Variants in ADK observed in about 807,000 individuals in gnomAD.
ADK encodes the protein N6,N6-dimethyladenosine kinase.
In ADK, 24 loss-of-function variants were observed where a neutral mutation model predicts 44.7. The observed-to-expected ratio is 0.54, with a 90% confidence interval of 0.39 to 0.76. ADK has a LOEUF of 0.76. Among genes scored for constraint, ADK ranks in the 30% least tolerant of loss-of-function variants. The probability of loss-of-function intolerance (pLI) is 0.00; values close to 1 mark genes in which losing one functional copy is unlikely to be tolerated. For synonymous variants in ADK, 128 were observed against 142.6 expected (o/e 0.90, Z 0.73); for missense variants, 321 against 425.1 (o/e 0.76, Z 2.15).
intron 7 of ADK, among the ~76,000 whole-genome samples, chr10:74,535,362 CTAAGGTGGGAGGA>C (rs1398112442): frequency 6.6e-6 from 1 of 151,976 alleles, no homozygotes. Context: ...ATTCGGGAGG[CTAAGGTGGGAGGA>C]TCGCTTGCAC....
chr10:74,159,358 T>G (rs997262654), intron 1 of ADK, among the ~76,000 whole-genome samples: 1 of 152,230 alleles, frequency 6.6e-6, no homozygotes, highest in East Asian at 1.9e-4. Flanking sequence ...CAAGCCACAT[T>G]TGGTTAGTAG....
At chr10:74,247,850 A>C (rs1441383320) in intron 3 of ADK, among the ~76,000 whole-genome samples, 1 of 152,150 alleles carries the variant, frequency 6.6e-6, no homozygotes, top group Admixed American at 6.5e-5. Context: ...TTCTTCAACA[A>C]CAAAACATTG....
intron 6 of ADK, among the ~76,000 whole-genome samples, chr10:74,461,110 G>C (rs2133241554): frequency 6.6e-6 from 1 of 152,100 alleles, no homozygotes; most frequent in South Asian, 2.1e-4. Flanking sequence ...AGTCCTTAGA[G>C]TAAACCAACT....
intron 6 of ADK, among the ~76,000 whole-genome samples, chr10:74,499,084 C>T (rs912718192): frequency 6.6e-6 from 1 of 152,214 alleles, no homozygotes; most frequent in African/African-American, 2.4e-5. Context: ...CAGGGTCCCA[C>T]TCTGTCACCC....
At chr10:74,436,478 C>CA (rs34848555) in intron 6 of ADK, among the ~76,000 whole-genome samples, 52 of 140,524 alleles carry the variant, frequency 3.7e-4, no homozygotes, top group Middle Eastern at 3.6e-3. Context: ...TTACTGTCTC[C>CA]AAAAAAAAAA....
intron 4 of ADK, among the ~76,000 whole-genome samples, chr10:74,352,653 G>T (rs1230103401): frequency 6.6e-6 from 1 of 152,196 alleles, no homozygotes; most frequent in Admixed American, 6.5e-5. Context: ...CAGAATGGGA[G>T]AAAATTTTTG....
At chr10:74,430,624 A>T (rs1844950752) in intron 6 of ADK, among the ~76,000 whole-genome samples, 1 of 152,122 alleles carries the variant, frequency 6.6e-6, no homozygotes, top group South Asian at 2.1e-4. Flanking sequence ...TTTAAAAGGA[A>T]CATCAATTTT....
chr10:74,614,811 T>A (rs998631231), intron 9 of ADK, among the ~76,000 whole-genome samples: 1 of 152,204 alleles, frequency 6.6e-6, no homozygotes, highest in East Asian at 1.9e-4. Flanking sequence ...TAGAAACCTG[T>A]AACTGTGCTC....
chr10:74,193,487 A>G (rs190413970), intron 1 of ADK, among the ~76,000 whole-genome samples: 65 of 150,316 alleles, frequency 4.3e-4, no homozygotes, highest in African/African-American at 1.4e-3. Flanking sequence ...CTTTGTCTTT[A>G]TAAAAGTGTA....
chr10:74,456,678 A>C (rs1486919453), intron 6 of ADK, among the ~76,000 whole-genome samples: 3 of 151,036 alleles, frequency 2.0e-5, no homozygotes, highest in Non-Finnish European at 3.0e-5. Flanking sequence ...AAAAAAAAAA[A>C]AAAAAAAAAA....
intron 4 of ADK, among the ~76,000 whole-genome samples, chr10:74,345,904 TG>T (rs1002637912): frequency 2.0e-5 from 3 of 152,172 alleles, no homozygotes; most frequent in African/African-American, 7.2e-5. Flanking sequence ...TTGTTGTTGT[TG>T]TTGTTTTGAG....
chr10:74,551,034 T>G (rs2133779289), intron 7 of ADK, among the ~76,000 whole-genome samples: 1 of 152,238 alleles, frequency 6.6e-6, no homozygotes, highest in Non-Finnish European at 1.5e-5. Flanking sequence ...GTAAAATTTT[T>G]TTTAGATGAA....
intron 6 of ADK, among the ~76,000 whole-genome samples, chr10:74,438,281 A>G (rs1220512467): frequency 1.3e-5 from 2 of 150,842 alleles, no homozygotes; most frequent in Admixed American, 6.6e-5. Flanking sequence ...CTGGAGTGCA[A>G]TGACGCCATC....
intron 9 of ADK, among the ~76,000 whole-genome samples, chr10:74,661,638 AT>A (rs1197637207): frequency 6.6e-6 from 1 of 152,196 alleles, no homozygotes; most frequent in African/African-American, 2.4e-5. Context: ...CTTACTTGAT[AT>A]ATAAACTTTC....
At chr10:74,370,358 T>G (rs2131971250) in intron 4 of ADK, among the ~76,000 whole-genome samples, 1 of 152,324 alleles carries the variant, frequency 6.6e-6, no homozygotes, top group South Asian at 2.1e-4. Context: ...ACCTCAATTT[T>G]TAATCCTAAG....
chr10:74,678,322 A>G (rs1855481234), intron 10 of ADK, among the ~76,000 whole-genome samples: 1 of 152,164 alleles, frequency 6.6e-6, no homozygotes, highest in African/African-American at 2.4e-5. Flanking sequence ...ACCAAATTTC[A>G]TAAACACTGT....
At chr10:74,232,414 C>A (rs187211279) in intron 3 of ADK, among the ~76,000 whole-genome samples, 3 of 151,738 alleles carry the variant, frequency 2.0e-5, no homozygotes, top group African/African-American at 7.3e-5. Flanking sequence ...CCCAGCTACT[C>A]AGGAGGCTGA....
intron 6 of ADK, among the ~76,000 whole-genome samples, chr10:74,496,352 G>T (rs1422119613): frequency 6.6e-6 from 1 of 152,186 alleles, no homozygotes; most frequent in Admixed American, 6.5e-5. Flanking sequence ...GGAGGTAATT[G>T]AATCATGGGG....
chr10:74,175,619 T>C (rs1842303930), intron 1 of ADK, among the ~76,000 whole-genome samples: 1 of 152,042 alleles, frequency 6.6e-6, no homozygotes, highest in African/African-American at 2.4e-5. Flanking sequence ...CCACAGGATA[T>C]TGTAGTCTAT....
Sources: allele counts gnomAD v4.1 joint callset (sites outside exome capture counted in the v4.1 genomes callset), GRCh38; gene constraint gnomAD v4.1.1; transcripts MANE v1.5; gene names NCBI Gene and HGNC (gene_info 2026-07-23, HGNC 2026-07-21).